PLCB1: variants seen among roughly 807,000 people sequenced by gnomAD.
PLCB1 encodes 1-phosphatidylinositol 4,5-bisphosphate phosphodiesterase beta-1.
In PLCB1, 46 loss-of-function variants were observed where a neutral mutation model predicts 161.8. That is an observed-to-expected ratio of 0.28 (90% CI 0.22 to 0.36). The LOEUF (loss-of-function observed/expected upper bound fraction) is 0.36, where lower values mean the gene tolerates loss of function less well. PLCB1 is among the 10% of genes least tolerant of loss of function. The pLI is 1.00. For missense variants in PLCB1, 1,016 were observed against 1,472.5 expected, an observed-to-expected ratio of 0.69 and a Z score of 5.07; for synonymous variants, 517 against 503.7, an observed-to-expected ratio of 1.03 and a Z score of -0.35.
At chr20:8,747,861 C>T (rs901145842) in intron 23 of PLCB1, among the ~76,000 whole-genome samples, 3 of 152,014 alleles carry the variant, frequency 2.0e-5, no homozygotes, top group African/African-American at 7.3e-5. Flanking sequence ...GATATGAATT[C>T]CACCAATAAA....
intron 3 of PLCB1, among the ~76,000 whole-genome samples, chr20:8,466,423 T>C (rs1981827079): frequency 6.6e-6 from 1 of 151,544 alleles, no homozygotes; most frequent in African/African-American, 2.4e-5. Flanking sequence ...TGTATACATA[T>C]GTAACTAACC....
chr20:8,628,248 G>A (rs749682071), intron 3 of PLCB1, 46 bp from the exon 4 acceptor site: 4 of 1,425,102 alleles, frequency 2.8e-6, no homozygotes, highest in Non-Finnish European at 3.0e-6. Flanking sequence ...CTATCACGTT[G>A]GAATCTCTAG....
At chr20:8,659,991 CAAAA>C (rs11482818) in intron 9 of PLCB1, among the ~76,000 whole-genome samples, 1 of 109,862 alleles carries the variant, frequency 9.1e-6, no homozygotes, top group East Asian at 2.7e-4. Context: ...GACTCTGTCT[CAAAA>C]AAAAAAAAAA....
chr20:8,545,451 G>A (rs370342100), intron 3 of PLCB1, among the ~76,000 whole-genome samples: 6 of 152,206 alleles, frequency 3.9e-5, no homozygotes, highest in African/African-American at 7.2e-5. Flanking sequence ...AGCGGAAGAG[G>A]ACTTTGGCAG....
chr20:8,446,527 C>G (rs1333233341), intron 3 of PLCB1, among the ~76,000 whole-genome samples: 1 of 152,204 alleles, frequency 6.6e-6, no homozygotes, highest in African/African-American at 2.4e-5. Flanking sequence ...CTCACCACTC[C>G]TATTCAACAT....
chr20:8,243,819 A>G (rs963410070), intron 2 of PLCB1, among the ~76,000 whole-genome samples: 1 of 151,980 alleles, frequency 6.6e-6, no homozygotes, highest in Non-Finnish European at 1.5e-5. Flanking sequence ...TTGAAAACAA[A>G]TGTTTTCTAA....
intron 2 of PLCB1, among the ~76,000 whole-genome samples, chr20:8,247,397 A>G (rs1980930084): frequency 6.6e-6 from 1 of 151,980 alleles, no homozygotes; most frequent in African/African-American, 2.4e-5. Flanking sequence ...GCCTAGTGAC[A>G]TAGAAATGAG....
chr20:8,883,403 GA>G lies in PLCB1; in HGVS notation c.*1559del, dbSNP rs1304342420. 6.6e-6 allele frequency: 1 copy of G among 151,834 alleles called. No individual in the cohort carries two copies. Among genetic ancestry groups the G allele is most frequent in the African/African-American group, 2.4e-5 (1 of 41,362 alleles). 9.4% of individuals were successfully genotyped at this position (151,834 alleles called of 1,614,324 possible). A position where few individuals can be genotyped will look rare whatever the true frequency, so the allele number is the denominator to read the frequency against. On this transcript the variant is annotated 3_prime_UTR_variant, in exon 32 of 32. Transcript: ENST00000338037. ...AGCATAATTGAAAGTTCTGAAAAAA[GA>G]AAAATAATAATATGTAGAAAAATGT...
chr20:8,465,497 C>A (rs1981777658), intron 3 of PLCB1, among the ~76,000 whole-genome samples: 2 of 152,232 alleles, frequency 1.3e-5, no homozygotes, highest in African/African-American at 4.8e-5. Context: ...TAGTGAGACT[C>A]CCCACATTGG....
At chr20:8,303,836 A>G (rs548676395) in intron 2 of PLCB1, among the ~76,000 whole-genome samples, 1 of 152,298 alleles carries the variant, frequency 6.6e-6, no homozygotes, top group East Asian at 1.9e-4. Context: ...TGTCATTTCA[A>G]AGTTTTGGCA....
Position 8,882,034 on chromosome 20 carries a change from T to C in PLCB1, c.*185T>C. On this transcript the variant is annotated 3_prime_UTR_variant, in exon 32 of 32. Coordinates refer to ENST00000338037, the MANE Select transcript of PLCB1 (RefSeq NM_015192.4). ...CCATGCCCAGGCTCCATGTGTCATG[T>C]GGAAACCTCCACAGGTCTGCTAGTG... 3.4e-6 allele frequency: 2 copies of C among 588,638 alleles called. No individual in the cohort carries two copies. The highest frequency in any genetic ancestry group is 6.0e-6 in the Non-Finnish European group (2 of 331,590). 36.5% of individuals were successfully genotyped at this position (588,638 alleles called of 1,614,324 possible). A position where few individuals can be genotyped will look rare whatever the true frequency, so the allele number is the denominator to read the frequency against.
At chr20:8,818,923 A>G (rs1985202649) in intron 31 of PLCB1, among the ~76,000 whole-genome samples, 1 of 150,434 alleles carries the variant, frequency 6.6e-6, no homozygotes, top group Admixed American at 6.6e-5. Context: ...AGCCTGGGTG[A>G]CAGAGGGAGA....
At chr20:8,740,585 G>T (rs953597783) in intron 22 of PLCB1, 137 bp downstream of exon 22, 16 of 505,376 alleles carry the variant, frequency 3.2e-5, no homozygotes, top group Admixed American at 8.2e-5. Context: ...CCCTACTTTC[G>T]TATGTATGTT....
intron 2 of PLCB1, among the ~76,000 whole-genome samples, chr20:8,210,047 G>C (rs907691609): frequency 6.6e-6 from 1 of 151,602 alleles, no homozygotes; most frequent in African/African-American, 2.4e-5. Context: ...TATGTTGTCC[G>C]GGCTTGTCTT....
intron 19 of PLCB1, among the ~76,000 whole-genome samples, chr20:8,733,667 A>T (rs913124992): frequency 3.3e-5 from 5 of 151,482 alleles, no homozygotes; most frequent in African/African-American, 7.3e-5. Context: ...GAGGGATAGC[A>T]TTAGGAGATA....
chr20:8,850,749 C>T (rs578126827), intron 31 of PLCB1, among the ~76,000 whole-genome samples: 83 of 152,266 alleles, frequency 5.5e-4, no homozygotes, highest in African/African-American at 1.8e-3. Flanking sequence ...CCTCACCAGA[C>T]GCCAAATCTT....
intron 3 of PLCB1, among the ~76,000 whole-genome samples, chr20:8,527,904 G>C (rs2015579): frequency 0.94 from 142,415 of 152,196 alleles, 66,741 homozygotes; most frequent in East Asian, 1. Flanking sequence ...TTTCTCTATT[G>C]AATATTCTGA....
chr20:8,684,854 G>GAA, intron 9 of PLCB1, 78 bp from the exon 10 acceptor site: 1 of 1,066,866 alleles, frequency 9.4e-7, no homozygotes, highest in Non-Finnish European at 1.4e-6. Context: ...AGATATTTCT[G>GAA]GAAAAAAAAA....
intron 3 of PLCB1, among the ~76,000 whole-genome samples, chr20:8,541,586 A>AAGAAAGAAAGAAAGAAAGAAAG (rs1568500353): frequency 1.3e-5 from 2 of 151,430 alleles, no homozygotes; most frequent in Non-Finnish European, 2.9e-5. Context: ...GAAAGAAAGA[A>AAGAAAGAAAGAAAGAAAGAAAG]AGAAAGAAAG....
Sources: allele counts gnomAD v4.1 joint callset (sites outside exome capture counted in the v4.1 genomes callset), GRCh38; gene constraint gnomAD v4.1.1; transcripts MANE v1.5; gene names NCBI Gene and HGNC (gene_info 2026-07-23, HGNC 2026-07-21).